The following MTARC1 variants were observed in gnomAD, a reference collection of about 807,000 sequenced individuals.
MTARC1 encodes the protein mitochondrial amidoxime-reducing component 1.
Under a neutral mutation model 33.6 loss-of-function variants are expected in MTARC1, and 24 were observed. The ratio of observed to expected loss-of-function variants is 0.72; its 90% CI spans 0.52 to 1.01. The LOEUF (loss-of-function observed/expected upper bound fraction) is 1.01. MTARC1 is among the 50% of genes least tolerant of loss of function. The pLI is 0.00. For synonymous variants in MTARC1, 187 were observed against 189.5 expected (o/e 0.99, Z 0.11); for missense variants, 417 against 445.7 (o/e 0.94, Z 0.58).
intron 1 of MTARC1, among the ~76,000 whole-genome samples, chr1:220,787,547 C>A (rs1407501286): frequency 6.6e-6 from 1 of 152,148 alleles, no homozygotes; most frequent in East Asian, 1.9e-4. Flanking sequence ...ACTTCTTAAT[C>A]TCCATTTAGT....
intron 2 of MTARC1, among the ~76,000 whole-genome samples, chr1:220,795,995 A>C (rs1672604022): frequency 6.6e-6 from 1 of 152,120 alleles, no homozygotes; most frequent in South Asian, 2.1e-4. Flanking sequence ...TCCTCTCCAT[A>C]GCTGTGAAAT....
chr1:220,808,783 C>T (rs1673043947), intron 6 of MTARC1: 1 of 469,584 alleles, frequency 2.1e-6, no homozygotes, highest in Admixed American at 2.4e-5. Flanking sequence ...GTAAAATGCT[C>T]ACAGCGGGAG....
Position 220,817,228 on chromosome 1 carries a change from A to G in MTARC1, c.*3810A>G. 1 of 157,106 alleles carries G rather than the reference A, an allele frequency of 6.4e-6. No homozygotes were observed. Among genetic ancestry groups the G allele is most frequent in the Non-Finnish European group, 1.4e-5 (1 of 72,260 alleles). 9.7% of individuals were successfully genotyped at this position (157,106 alleles called of 1,614,324 possible). The stretch of plus-strand genomic sequence containing the variant: ...ATTCTTCTGCCTCAGCCTCCCGAGT[A>G]GCTGGTGTGTCTGGAGTTGGTTCCT... On this transcript the variant is annotated 3_prime_UTR_variant, in exon 7 of 7. Coordinates refer to ENST00000366910, the MANE Select transcript of MTARC1 (RefSeq NM_022746.4).
intron 4 of MTARC1, among the ~76,000 whole-genome samples, chr1:220,803,347 G>A (rs190921057): frequency 7.2e-4 from 109 of 152,296 alleles, no homozygotes; most frequent in African/African-American, 2.5e-3. Context: ...ATGACACATG[G>A]GGATTATGGG....
At chr1:220,808,440 T>C (rs1220668688) in intron 6 of MTARC1, among the ~76,000 whole-genome samples, 2 of 152,216 alleles carry the variant, frequency 1.3e-5, no homozygotes, top group Non-Finnish European at 2.9e-5. Context: ...TAAATTGCCA[T>C]GGATGTGTAA....
chr1:220,797,182 A>G (rs971983648), intron 3 of MTARC1, among the ~76,000 whole-genome samples: 1 of 152,182 alleles, frequency 6.6e-6, no homozygotes, highest in Non-Finnish European at 1.5e-5. Flanking sequence ...ATGGGTATGG[A>G]GATACACAGA....
At chr1:220,805,009 A>C in intron 4 of MTARC1, 43 bp from the exon 5 acceptor site, 151 of 1,540,090 alleles carry the variant, frequency 9.8e-5, no homozygotes, top group Middle Eastern at 3.4e-4. Context: ...TGTCAGGGGC[A>C]GGGCCCAGAG....
intron 4 of MTARC1, among the ~76,000 whole-genome samples, chr1:220,804,272 G>C (rs1318625909): frequency 1.3e-5 from 2 of 152,170 alleles, no homozygotes; most frequent in African/African-American, 4.8e-5. Flanking sequence ...AGCCTGGAGA[G>C]TCATGCCTCT....
At chr1:220,809,083 T>C (rs772744872) in intron 6 of MTARC1, 2 of 371,066 alleles carry the variant, frequency 5.4e-6, no homozygotes, top group Non-Finnish European at 1.1e-5. Flanking sequence ...ACACAGAATA[T>C]ATAGCAGTGG....
intron 4 of MTARC1, among the ~76,000 whole-genome samples, chr1:220,804,564 C>T (rs1672912876): frequency 1.3e-5 from 2 of 152,122 alleles, no homozygotes; most frequent in African/African-American, 4.8e-5. Context: ...GCTGGTCCTG[C>T]TCCTGATGTG....
rs921450643 is a variant in MTARC1, at chr1:220,805,056, C to A, written c.758C>A (p.Ser253Tyr). Residue 253 changes from serine to tyrosine, a missense_variant, in exon 5 of 7, where the codon TCT becomes TAT. Ser to Tyr is a moderately radical substitution (Grantham distance 144). Transcript: ENST00000366910. ...ISGCDVYAED[S>Y]WDELLIGDVE... ...AATTTGTGCTTTGTCCCCTAGGATT[C>A]TTGGGATGAGCTTCTTATTGGTGAC... The A allele has an allele frequency of 5.0e-6, 8 of 1,614,016 alleles. No individual in the cohort carries two copies. In the Admixed American group the frequency reaches 1.0e-4, roughly 20 times the overall value.
At chr1:220,795,528 TA>T (rs1246069744) in intron 2 of MTARC1, among the ~76,000 whole-genome samples, 1 of 152,236 alleles carries the variant, frequency 6.6e-6, no homozygotes, top group African/African-American at 2.4e-5. Flanking sequence ...CACATTTATT[TA>T]AAAAAGAAAC....
intron 2 of MTARC1, among the ~76,000 whole-genome samples, chr1:220,794,892 G>A (rs1314638955): frequency 1.3e-5 from 2 of 152,096 alleles, no homozygotes; most frequent in African/African-American, 4.8e-5. Flanking sequence ...CTGCATGAGT[G>A]TTACGCTTCA....
chr1:220,810,098 T>G (rs1271034577), intron 6 of MTARC1, among the ~76,000 whole-genome samples: 1 of 152,210 alleles, frequency 6.6e-6, no homozygotes, highest in Non-Finnish European at 1.5e-5. Context: ...TCCTGCTCAT[T>G]AGAATAGTTA....
At chr1:220,799,262 G>A in intron 4 of MTARC1, 1 of 831,248 alleles carries the variant, frequency 1.2e-6, no homozygotes, top group Non-Finnish European at 1.5e-6. Flanking sequence ...AGATGGTGGA[G>A]AACTTCCTAG....
intron 2 of MTARC1, among the ~76,000 whole-genome samples, chr1:220,796,147 G>A (rs1160872097): frequency 6.6e-6 from 1 of 151,842 alleles, no homozygotes; most frequent in Non-Finnish European, 1.5e-5. Flanking sequence ...GTTAATGATT[G>A]TTATATATAT....
At chr1:220,810,663 G>A (rs865885665) in intron 6 of MTARC1, among the ~76,000 whole-genome samples, 1 of 150,202 alleles carries the variant, frequency 6.7e-6, no homozygotes, top group Admixed American at 6.6e-5. Context: ...GGGGGAGTGA[G>A]TGTGTCTGTG....
Position 220,787,238 on chromosome 1 carries a change from G to GCGGGGCAGCGCTGATCCGGCT in MTARC1, c.275+27_275+47dup. On this transcript the variant is annotated intron_variant, in intron 1 of 6. Transcript: ENST00000366910. The stretch of plus-strand genomic sequence containing the variant: ...GGGACAGGTACGGCCAAGCGCCGGC[G>GCGGGGCAGCGCTGATCCGGCT]CGGGGCAGCGCTGATCCGGCTCGGG... The GCGGGGCAGCGCTGATCCGGCT allele has an allele frequency of 1.9e-6, 3 of 1,549,544 alleles. 1 individual carries two copies. Among genetic ancestry groups the GCGGGGCAGCGCTGATCCGGCT allele is most frequent in the South Asian group, 2.4e-5 (2 of 84,192 alleles).
intron 2 of MTARC1, among the ~76,000 whole-genome samples, chr1:220,792,611 A>G (rs1224548690): frequency 6.6e-6 from 1 of 151,864 alleles, no homozygotes; most frequent in Non-Finnish European, 1.5e-5. Flanking sequence ...CAGATTAGAA[A>G]AGTGGTACAT....
Sources: gnomAD v4.1 joint callset for allele counts (sites outside exome capture counted in the v4.1 genomes callset) on GRCh38, gnomAD v4.1.1 for gene constraint, MANE v1.5 for transcripts, NCBI Gene and HGNC (gene_info 2026-07-23, HGNC 2026-07-21) for gene names.